The following PHACTR1 variants were observed in gnomAD, a reference collection of about 807,000 sequenced individuals.
The protein encoded by PHACTR1 is phosphatase and actin regulator 1.
A neutral mutation model predicts 69.2 loss-of-function variants in PHACTR1; 16 were observed. The observed-to-expected ratio is 0.23, with a 90% CI of 0.16 to 0.35. PHACTR1 has a LOEUF of 0.35. Among genes scored for constraint, PHACTR1 ranks in the 10% least tolerant of loss-of-function variants. The pLI, the probability that PHACTR1 is intolerant of heterozygous loss-of-function variation, is 1.00. For missense variants in PHACTR1, 510 were observed against 734.7 expected, an observed-to-expected ratio of 0.69 and a Z score of 3.54; for synonymous variants, 312 against 284.5, an observed-to-expected ratio of 1.10 and a Z score of -0.97.
chr6:13,167,447 C>T (rs1022892917), intron 6 of PHACTR1, among the ~76,000 whole-genome samples: 16 of 152,146 alleles, frequency 1.1e-4, no homozygotes, highest in Admixed American at 2.0e-4. Flanking sequence ...CTCTACCATC[C>T]GATGAAATGA....
chr6:13,278,345 T>C lies in PHACTR1; in HGVS notation c.1509+16T>C. 6.3e-7 allele frequency: 1 copy of C among 1,580,768 alleles called. No homozygotes were observed. Among genetic ancestry groups the C allele is most frequent in the Non-Finnish European group, 8.6e-7 (1 of 1,163,190 alleles). On this transcript the variant is annotated intron_variant, in intron 12 of 14. Coordinates refer to ENST00000332995, the MANE Select transcript of PHACTR1 (RefSeq NM_030948.6). ...AACCCGAAAGGTAGGTGGTTCTCCA[T>C]GCCAAGAGCTGGGACAGGAGAGGGT...
In PHACTR1 at chr6:13,206,144, T is replaced by G. The variant is rs1583924170; in HGVS notation, c.986+8T>G. 1 of 1,567,310 alleles carries G rather than the reference T, an allele frequency of 6.4e-7. No individual in the cohort carries two copies. The highest frequency in any genetic ancestry group is 8.7e-7 in the Non-Finnish European group (1 of 1,152,628). On this transcript the variant is annotated splice_region_variant and intron_variant, in intron 8 of 14. Transcript: ENST00000332995. ...CATGCAGAGGCTGGAAAGGTAAAGG[T>G]GGGCACCAGGAGGGAGGACGGGAGG...
chr6:13,093,555 G>A (rs1813640765), intron 5 of PHACTR1, among the ~76,000 whole-genome samples: 2 of 152,290 alleles, frequency 1.3e-5, no homozygotes, highest in South Asian at 4.1e-4. Flanking sequence ...GGCCAATTTA[G>A]TTAGTGGTTA....
chr6:13,220,333 G>C (rs546313186), intron 8 of PHACTR1, among the ~76,000 whole-genome samples: 26 of 152,330 alleles, frequency 1.7e-4, no homozygotes, highest in African/African-American at 6.3e-4. Flanking sequence ...GTGCTACCTA[G>C]GTGATAGGGA....
At chr6:12,933,902 T>C (rs1582568180) in intron 4 of PHACTR1, 9 of 1,611,964 alleles carry the variant, frequency 5.6e-6, no homozygotes, top group Non-Finnish European at 5.9e-6. Context: ...AGAGGACATT[T>C]ACTCTTTGGT....
intron 5 of PHACTR1, among the ~76,000 whole-genome samples, chr6:13,099,592 A>G (rs908844926): frequency 6.6e-6 from 1 of 152,184 alleles, no homozygotes; most frequent in African/African-American, 2.4e-5. Flanking sequence ...GTGGGTGTGG[A>G]TGTGGATGTG....
intron 4 of PHACTR1, among the ~76,000 whole-genome samples, chr6:13,014,731 G>C (rs572939845): frequency 6.6e-6 from 1 of 152,186 alleles, no homozygotes; most frequent in African/African-American, 2.4e-5. Flanking sequence ...GTGGAGAGGT[G>C]GGGGAGGGGG....
chr6:13,190,315 G>A lies in PHACTR1; in HGVS notation c.664+7629G>A, dbSNP rs533794699. 2.5e-4 allele frequency among the ~76,000 whole-genome samples: 38 copies of A among 151,286 alleles called. No individual in the cohort carries two copies. The East Asian group carries it at 5.7e-3, about 23-fold the overall frequency. On this transcript the variant is annotated intron_variant, in intron 7 of 14. Transcript: ENST00000332995. ...CTCCCAAAATGCTGGGATTACAGGC[G>A]TGAGCCACCAAGCCCGGCTTGATGT...
At chr6:12,777,413 T>C (rs930397400) in intron 4 of PHACTR1, among the ~76,000 whole-genome samples, 2 of 151,814 alleles carry the variant, frequency 1.3e-5, no homozygotes, top group Admixed American at 6.6e-5. Context: ...AGCTCTCAAG[T>C]AGGCCCAGGT....
chr6:13,017,422 G>A (rs1337122253), intron 4 of PHACTR1, among the ~76,000 whole-genome samples: 1 of 152,088 alleles, frequency 6.6e-6, no homozygotes, highest in South Asian at 2.1e-4. Flanking sequence ...AGAATTTTCT[G>A]CTGCATTTAA....
intron 6 of PHACTR1, among the ~76,000 whole-genome samples, chr6:13,178,123 A>C (rs554414241): frequency 6.6e-6 from 1 of 152,192 alleles, no homozygotes; most frequent in Non-Finnish European, 1.5e-5. Context: ...ATTGACCTAC[A>C]CTGACATCTG....
chr6:12,780,649 C>T (rs975249345), intron 4 of PHACTR1, among the ~76,000 whole-genome samples: 5 of 152,132 alleles, frequency 3.3e-5, no homozygotes, highest in African/African-American at 7.2e-5. Flanking sequence ...GCGTAAACAG[C>T]GACATGCTCA....
chr6:12,873,228 G>C (rs1395524118), intron 4 of PHACTR1, among the ~76,000 whole-genome samples: 1 of 151,834 alleles, frequency 6.6e-6, no homozygotes, highest in East Asian at 1.9e-4. Context: ...TGTTGCCCAG[G>C]CTGGTCTCGA....
In PHACTR1 at chr6:13,227,923, T is replaced by C. The variant is rs1385752027; in HGVS notation, c.1094T>C (p.Val365Ala). ...ATGGGCCTTCCAGAAATAAGACAAGTGCCAACTGTTGTGATTGAATGTGAT... is the reference window on the plus strand; with the variant it reads ...ATGGGCCTTCCAGAAATAAGACAAGCGCCAACTGTTGTGATTGAATGTGAT... ...GPMGLPEIRQ[V>A]PTVVIECDDN... is the part of the protein sequence containing the mutation. The change falls in exon 9 of 15, where the codon GTG (valine) becomes GCG (alanine). Residue 365 changes from valine to alanine, a missense_variant. Transcript: ENST00000332995. The C allele has an allele frequency of 6.2e-7, 1 of 1,613,958 alleles. No individual in the cohort carries two copies. Among genetic ancestry groups the C allele is most frequent in the Non-Finnish European group, 8.5e-7 (1 of 1,179,894 alleles).
At chr6:12,858,544 G>C (rs72835698) in intron 4 of PHACTR1, among the ~76,000 whole-genome samples, 5 of 152,078 alleles carry the variant, frequency 3.3e-5, no homozygotes, top group Non-Finnish European at 4.4e-5. Flanking sequence ...TGTAATCCCC[G>C]CACTTTGGAA....
intron 4 of PHACTR1, among the ~76,000 whole-genome samples, chr6:12,827,782 A>G (rs1235233171): frequency 6.6e-6 from 1 of 152,228 alleles, no homozygotes; most frequent in Non-Finnish European, 1.5e-5. Flanking sequence ...AATGATATAA[A>G]GAAAGCAGAA....
At chr6:12,960,985 TA>T (rs1222308307) in intron 4 of PHACTR1, among the ~76,000 whole-genome samples, 2 of 152,172 alleles carry the variant, frequency 1.3e-5, no homozygotes, top group African/African-American at 2.4e-5. Flanking sequence ...ATAATTACTC[TA>T]AAGGGTAAAG....
In PHACTR1 at chr6:13,042,580, T is replaced by C. The variant is rs139811221; in HGVS notation, c.251-10785T>C. Among the ~76,000 whole-genome samples the C allele has an allele frequency of 2.2e-4, 33 of 152,334 alleles. No individual in the cohort carries two copies. The East Asian group carries it at 6.2e-3, about 28-fold the overall frequency. ...TAACAGGTACTTCAGTTGATTCTTA[T>C]ATGCACTAAATTTTGAGATCCACTA... On this transcript the variant is annotated intron_variant, in intron 4 of 14. Coordinates refer to ENST00000332995, the MANE Select transcript of PHACTR1 (RefSeq NM_030948.6).
At chr6:13,142,162 A>G (rs1049354445) in intron 5 of PHACTR1, among the ~76,000 whole-genome samples, 1 of 152,210 alleles carries the variant, frequency 6.6e-6, no homozygotes, top group Non-Finnish European at 1.5e-5. Flanking sequence ...AAGAAAAAAG[A>G]AGAAATAGAA....
Sources: allele counts gnomAD v4.1 joint callset (sites outside exome capture counted in the v4.1 genomes callset), GRCh38; gene constraint gnomAD v4.1.1; transcripts MANE v1.5; gene names NCBI Gene and HGNC (gene_info 2026-07-23, HGNC 2026-07-21).